TBC1D7: variants seen among roughly 807,000 people sequenced by gnomAD.
TBC1D7 encodes the protein TBC1 domain family member 7.
TBC1D7 carries 33 observed loss-of-function variants against 35.3 expected under a neutral mutation model. The observed-to-expected ratio is 0.93, with a 90% CI of 0.71 to 1.25. TBC1D7 has a LOEUF of 1.25. Ranked by LOEUF, TBC1D7 falls within the 50% of genes most tolerant of loss-of-function variation. The probability of loss-of-function intolerance (pLI) is 0.00; values close to 1 mark genes in which losing one functional copy is unlikely to be tolerated. For synonymous variants in TBC1D7, 135 were observed against 129.5 expected, an observed-to-expected ratio of 1.04 and a Z score of -0.29; for missense variants, 362 against 365.3, an observed-to-expected ratio of 0.99 and a Z score of 0.07.
At chr6:13,325,038 T>A in intron 3 of TBC1D7, 56 bp downstream of exon 3, 1 of 1,310,880 alleles carries the variant, frequency 7.6e-7, no homozygotes, top group Non-Finnish European at 1.1e-6. Context: ...AGATAGCAAA[T>A]GATCCCTTCA....
intron 4 of TBC1D7, chr6:13,320,367 T>C (rs1219740545): frequency 3.0e-5 from 7 of 236,292 alleles, no homozygotes; most frequent in Non-Finnish European, 5.0e-5. Context: ...TATGGCTATC[T>C]ACAGGGGTGT....
At chr6:13,305,526 A>G (rs927088710) in intron 7 of TBC1D7, 1 of 345,210 alleles carries the variant, frequency 2.9e-6, no homozygotes. Flanking sequence ...CATGGAAAAT[A>G]CTTAGCACAG....
At chr6:13,311,672 C>G (rs1051734540) in intron 5 of TBC1D7, among the ~76,000 whole-genome samples, 2 of 152,096 alleles carry the variant, frequency 1.3e-5, no homozygotes, top group African/African-American at 4.8e-5. Context: ...AATGCATACA[C>G]AAAAAGAAGC....
At position 13,321,042 on chromosome 6, in the gene TBC1D7, C is replaced by A. The variant is rs1562170542; in HGVS notation, c.247G>T (p.Glu83Ter). 1 of 1,614,094 alleles carries A rather than the reference C, an allele frequency of 6.2e-7. No homozygotes were observed. Among genetic ancestry groups the A allele is most frequent in the Non-Finnish European group, 8.5e-7 (1 of 1,179,982 alleles). Reference sequence around the variant, plus strand: ...GCATGAAGGACATCCAAGTACTGCTCCTTACGATACATCATCACCTTGGCA... The same window carrying A: ...GCATGAAGGACATCCAAGTACTGCTACTTACGATACATCATCACCTTGGCA... ...SHAKVMMYRK[E>*]QYLDVLHALK... The change falls in exon 4 of 8, where the codon GAG becomes TAG. Residue 83 changes from glutamate to a stop codon, truncating the protein, a stop_gained. Coordinates refer to ENST00000379300, the MANE Select transcript of TBC1D7 (RefSeq NM_016495.6). LOFTEE classifies it high-confidence loss of function.
intron 5 of TBC1D7, among the ~76,000 whole-genome samples, chr6:13,311,085 C>CT (rs1783178619): frequency 6.6e-6 from 1 of 152,152 alleles, no homozygotes; most frequent in African/African-American, 2.4e-5. Context: ...AAAATATGTA[C>CT]TTAATCACTC....
In TBC1D7 at chr6:13,314,130, G is replaced by A. The variant is rs566724266; in HGVS notation, c.519+2441C>T. On this transcript the variant is annotated intron_variant, in intron 5 of 7. Coordinates refer to ENST00000379300, the MANE Select transcript of TBC1D7 (RefSeq NM_016495.6). ...CTACTCAGGAGGCTGGGATGAACCCGGGAGGTGGAGCTTGCAGTGAGCCGA... is the reference window on the plus strand; with the variant it reads ...CTACTCAGGAGGCTGGGATGAACCCAGGAGGTGGAGCTTGCAGTGAGCCGA... Among the ~76,000 whole-genome samples the A allele has an allele frequency of 1.9e-4, 29 of 151,988 alleles. 1 individual carries two copies. The highest frequency in any genetic ancestry group is 3.3e-4 in the Admixed American group (5 of 15,282).
At chr6:13,316,036 A>G (rs1783584286) in intron 5 of TBC1D7, among the ~76,000 whole-genome samples, 1 of 152,224 alleles carries the variant, frequency 6.6e-6, no homozygotes, top group African/African-American at 2.4e-5. Flanking sequence ...CGCTGGTCCA[A>G]GAGCAACCTT....
intron 5 of TBC1D7, among the ~76,000 whole-genome samples, chr6:13,311,340 T>C (rs994120427): frequency 1.3e-5 from 2 of 152,214 alleles, no homozygotes; most frequent in Non-Finnish European, 2.9e-5. Flanking sequence ...TTTGAAAAGC[T>C]TGTAAGGAGA....
In TBC1D7 at chr6:13,315,099, C is replaced by T. The variant is rs1176089719; in HGVS notation, c.519+1472G>A. 2.6e-5 allele frequency among the ~76,000 whole-genome samples: 4 copies of T among 152,280 alleles called. No individual in the cohort carries two copies. The East Asian group carries it at 7.7e-4, about 29-fold the overall frequency. On this transcript the variant is annotated intron_variant, in intron 5 of 7. Transcript: ENST00000379300. ...TTAAAAAAAGAACCTTTCCCAGCCTCTACTGCAGACAGGGCAGCCAAGTGA... is the reference window on the plus strand; with the variant it reads ...TTAAAAAAAGAACCTTTCCCAGCCTTTACTGCAGACAGGGCAGCCAAGTGA...
chr6:13,325,186 A>G lies in TBC1D7; in HGVS notation c.113-12T>C. 6.3e-7 allele frequency: 1 copy of G among 1,596,852 alleles called. No homozygotes were observed. The highest frequency in any genetic ancestry group is 8.6e-7 in the Non-Finnish European group (1 of 1,165,694). ...AAGTTTCTCAGTATCTAGAGGAAGA[A>G]GAAAACAATTGTTAGAAGCTTTTCA... is the stretch of plus-strand genomic sequence containing the variant. On this transcript the variant is annotated splice_polypyrimidine_tract_variant and intron_variant, in intron 2 of 7. Coordinates refer to ENST00000379300, the MANE Select transcript of TBC1D7 (RefSeq NM_016495.6).
chr6:13,316,609 G>A lies in TBC1D7; in HGVS notation c.481C>T (p.Gln161Ter), dbSNP rs1274012104. 4 of 1,612,908 alleles carry A rather than the reference G, an allele frequency of 2.5e-6. No homozygotes were observed. The highest frequency in any genetic ancestry group is 3.3e-5 in the Admixed American group (2 of 59,928). Residue 161 changes from glutamine (Q) to a stop codon, truncating the protein, a stop_gained, in exon 5 of 8, where the codon CAA becomes TAA. Transcript: ENST00000379300. LOFTEE classifies it high-confidence loss of function. ...CYWITRRFVN[Q>*]LNTKYRDSLP... is the part of the protein sequence containing the mutation. ...GAATCCCGGTACTTGGTATTTAATT[G>A]GTTCACAAAGCGTCGGGTGATCCAG...
At chr6:13,326,228 C>T (rs528295754) in intron 2 of TBC1D7, among the ~76,000 whole-genome samples, 4 of 152,018 alleles carry the variant, frequency 2.6e-5, no homozygotes, top group South Asian at 4.2e-4. Context: ...TTTGGGAGGC[C>T]GAGGTGGGTG....
intron 5 of TBC1D7, among the ~76,000 whole-genome samples, chr6:13,308,045 T>C (rs1413056692): frequency 6.6e-6 from 1 of 152,176 alleles, no homozygotes; most frequent in African/African-American, 2.4e-5. Flanking sequence ...ACTAGCCAGA[T>C]TCAACAGCCT....
intron 3 of TBC1D7, chr6:13,323,855 A>G (rs924853927): frequency 6.6e-6 from 1 of 152,250 alleles, no homozygotes; most frequent in African/African-American, 2.4e-5. Flanking sequence ...CACAAACGTA[A>G]GCTCAAATCC....
intron 6 of TBC1D7, chr6:13,307,343 C>T (rs945406936): frequency 2.1e-5 from 7 of 333,452 alleles, no homozygotes; most frequent in East Asian, 4.9e-5. Context: ...AAGGGGCTGA[C>T]GCTTATATAA....
intron 4 of TBC1D7, chr6:13,319,543 G>A (rs544539293): frequency 1.2e-4 from 18 of 151,816 alleles, no homozygotes; most frequent in African/African-American, 1.4e-4. Context: ...TGTGTGATCC[G>A]GAACTGGATC....
chr6:13,323,576 G>C (rs1397807162), intron 3 of TBC1D7: 1 of 152,150 alleles, frequency 6.6e-6, no homozygotes, highest in East Asian at 1.9e-4. Context: ...AACATTTAAA[G>C]AAAAGTGCTC....
rs1323780300 is a variant in TBC1D7 at position 13,320,944 on chromosome 6, C to T, written c.345G>A (p.Glu115=). ...AGGGACTTCGAGGTAACTTCCCAGACTCCAGCTGATACATGCGGAGATAGA... is the reference window on the plus strand; with the variant it reads ...AGGGACTTCGAGGTAACTTCCCAGATTCCAGCTGATACATGCGGAGATAGA... ...AEVYLRMYQL[E]SGKLPRSPSF... is the part of the protein sequence containing the mutation. Residue 115 remains glutamate, a synonymous_variant, in exon 4 of 8, where the codon GAG becomes GAA. Coordinates refer to ENST00000379300, the MANE Select transcript of TBC1D7 (RefSeq NM_016495.6). 1.2e-6 allele frequency: 2 copies of T among 1,614,174 alleles called. No individual in the cohort carries two copies. Among genetic ancestry groups the T allele is most frequent in the Non-Finnish European group, 1.7e-6 (2 of 1,180,032 alleles).
chr6:13,306,636 G>T, intron 6 of TBC1D7, 109 bp from the exon 7 acceptor site: 1 of 895,202 alleles, frequency 1.1e-6, no homozygotes, highest in Non-Finnish European at 1.6e-6. Flanking sequence ...TTATGTAAAA[G>T]CTTCAAAGAA....
Sources: gnomAD v4.1 joint callset for allele counts (sites outside exome capture counted in the v4.1 genomes callset) on GRCh38, gnomAD v4.1.1 for gene constraint, MANE v1.5 for transcripts, NCBI Gene and HGNC (gene_info 2026-07-23, HGNC 2026-07-21) for gene names.